The following SHANK2 variants were observed in gnomAD, a reference collection of about 807,000 sequenced individuals.
SHANK2 encodes SH3 and multiple ankyrin repeat domains protein 2.
A neutral mutation model predicts 133.7 loss-of-function variants in SHANK2; 43 were observed. The ratio of observed to expected loss-of-function variants is 0.32; its 90% confidence interval spans 0.25 to 0.41. The LOEUF (loss-of-function observed/expected upper bound fraction) is 0.41. SHANK2 is among the 10% of genes least tolerant of loss of function. The pLI, the probability that SHANK2 is intolerant of heterozygous loss-of-function variation, is 1.00. For synonymous variants in SHANK2, 1,017 were observed against 952.8 expected, an observed-to-expected ratio of 1.07 and a Z score of -1.24; for missense variants, 1,994 against 2,235.8, an observed-to-expected ratio of 0.89 and a Z score of 2.18.
At chr11:70,525,548 G>A (rs1353942165) in intron 17 of SHANK2, among the ~76,000 whole-genome samples, 3 of 152,136 alleles carry the variant, frequency 2.0e-5, no homozygotes, top group East Asian at 1.9e-4. Flanking sequence ...TTGGAAACGA[G>A]CTTCGAGGTA....
intron 14 of SHANK2, among the ~76,000 whole-genome samples, chr11:70,751,205 C>A (rs1032961433): frequency 7.2e-5 from 11 of 152,114 alleles, no homozygotes; most frequent in Admixed American, 3.9e-4. Context: ...AGGATTAGCT[C>A]AAAAAATCCA....
intron 15 of SHANK2, among the ~76,000 whole-genome samples, chr11:70,681,861 C>T (rs1945036068): frequency 6.6e-6 from 1 of 152,080 alleles, no homozygotes; most frequent in African/African-American, 2.4e-5. Context: ...ATCTTGAACA[C>T]TGTGGGGTTC....
intron 10 of SHANK2, among the ~76,000 whole-genome samples, chr11:70,918,202 C>A (rs1402199704): frequency 1.3e-5 from 2 of 152,158 alleles, no homozygotes; most frequent in African/African-American, 4.8e-5. Flanking sequence ...CTCCCAAAGG[C>A]AGAACGCTTG....
chr11:70,942,097 G>C (rs956593775), intron 10 of SHANK2, among the ~76,000 whole-genome samples: 5 of 152,126 alleles, frequency 3.3e-5, no homozygotes, highest in African/African-American at 1.2e-4. Context: ...TGAGGCAGGA[G>C]AATTGTGTGA....
chr11:70,863,484 G>C (rs1489379932), intron 11 of SHANK2: 7 of 457,816 alleles, frequency 1.5e-5, no homozygotes, highest in East Asian at 7.0e-5. Flanking sequence ...CGGATTCTGT[G>C]GGGGGTTTTC....
chr11:70,826,372 T>C (rs1362380213), intron 11 of SHANK2: 2 of 452,740 alleles, frequency 4.4e-6, no homozygotes, highest in South Asian at 3.2e-5. Flanking sequence ...CTGGCAATTT[T>C]AGGAGGAACT....
intron 2 of SHANK2, among the ~76,000 whole-genome samples, chr11:71,207,142 T>C (rs574010192): frequency 8.3e-4 from 115 of 139,024 alleles, no homozygotes; most frequent in African/African-American, 3.1e-3. Context: ...GAAAAAAAAA[T>C]AGGAACATTT....
chr11:70,614,610 G>A (rs1009017322), intron 17 of SHANK2, among the ~76,000 whole-genome samples: 1 of 152,230 alleles, frequency 6.6e-6, no homozygotes, highest in African/African-American at 2.4e-5. Flanking sequence ...ACCATGTCCA[G>A]CCCAACCTGT....
chr11:71,140,160 C>T (rs1952526618), intron 3 of SHANK2, among the ~76,000 whole-genome samples: 1 of 152,230 alleles, frequency 6.6e-6, no homozygotes, highest in African/African-American at 2.4e-5. Context: ...TGAGAGCTCA[C>T]ACCCGGGGGA....
intron 14 of SHANK2, among the ~76,000 whole-genome samples, chr11:70,742,595 G>T (rs569023296): frequency 6.6e-6 from 1 of 152,072 alleles, no homozygotes; most frequent in East Asian, 1.9e-4. Flanking sequence ...CCCCCCACCC[G>T]GCTCTGCCAT....
At chr11:70,498,734 A>C (rs2059007189) in intron 21 of SHANK2, among the ~76,000 whole-genome samples, 1 of 152,314 alleles carries the variant, frequency 6.6e-6, no homozygotes, top group African/African-American at 2.4e-5. Flanking sequence ...ATGACCATGC[A>C]CGGGGGGCTT....
chr11:71,207,379 G>A (rs969259689), intron 2 of SHANK2, among the ~76,000 whole-genome samples: 1 of 151,958 alleles, frequency 6.6e-6, no homozygotes, highest in Non-Finnish European at 1.5e-5. Context: ...AGGGTTTCAC[G>A]ATGTTGGCCA....
intron 17 of SHANK2, among the ~76,000 whole-genome samples, chr11:70,599,063 A>G (rs782265907): frequency 3.3e-5 from 5 of 152,116 alleles, no homozygotes; most frequent in Non-Finnish European, 7.3e-5. Flanking sequence ...TAGCGGAGAA[A>G]AAAAGAGAAA....
chr11:70,725,358 GAGCGTGGC>G (rs1946157123), intron 14 of SHANK2, among the ~76,000 whole-genome samples: 1 of 152,232 alleles, frequency 6.6e-6, no homozygotes, highest in Admixed American at 6.5e-5. Flanking sequence ...CTTAAAAGCT[GAGCGTGGC>G]AGGAGGAATT....
intron 6 of SHANK2, among the ~76,000 whole-genome samples, chr11:71,101,212 C>T (rs1951711788): frequency 6.6e-6 from 1 of 152,184 alleles, no homozygotes; most frequent in African/African-American, 2.4e-5. Flanking sequence ...TGGGCTCTGT[C>T]CCCGACCCCA....
chr11:70,891,974 C>A (rs984281549), intron 11 of SHANK2, among the ~76,000 whole-genome samples: 2 of 152,264 alleles, frequency 1.3e-5, no homozygotes, highest in East Asian at 3.9e-4. Context: ...ACTCTGAGCC[C>A]CGGCTGAGGA....
At chr11:71,125,655 G>A (rs570258555) in intron 3 of SHANK2, among the ~76,000 whole-genome samples, 1 of 152,332 alleles carries the variant, frequency 6.6e-6, no homozygotes, top group South Asian at 2.1e-4. Flanking sequence ...AGTGCTGATG[G>A]AGAAGCTGCA....
chr11:71,173,385 G>A (rs1953357949), intron 2 of SHANK2, among the ~76,000 whole-genome samples: 1 of 152,198 alleles, frequency 6.6e-6, no homozygotes, highest in Non-Finnish European at 1.5e-5. Context: ...AGGCAGGGTG[G>A]CTGCTGGCCT....
rs1358291196 is a variant in SHANK2 at position 70,469,797 on chromosome 11, T to TAA, written c.*3070_*3071dup. The stretch of plus-strand genomic sequence containing the variant: ...CACAAATAATTCACTTTGTGATATG[T>TAA]AAAGTTCAGCAAATCAACAGTCACA... On this transcript the variant is annotated 3_prime_UTR_variant, in exon 26 of 26. Transcript: ENST00000601538. 1.3e-5 allele frequency: 2 copies of TAA among 152,694 alleles called. No individual in the cohort carries two copies. The highest frequency in any genetic ancestry group is 2.9e-5 in the Non-Finnish European group (2 of 68,054). The allele number at this position is 152,694 out of a possible 1,614,324, so 9.5% of individuals were successfully genotyped here. A position where few individuals can be genotyped will look rare whatever the true frequency, so the allele number is the denominator to read the frequency against.
Sources: allele counts gnomAD v4.1 joint callset (sites outside exome capture counted in the v4.1 genomes callset), GRCh38; gene constraint gnomAD v4.1.1; transcripts MANE v1.5; gene names NCBI Gene and HGNC (gene_info 2026-07-23, HGNC 2026-07-21).